Variants in SGCZ observed in about 807,000 individuals in gnomAD.
SGCZ encodes the protein sarcoglycan zeta.
In SGCZ, 40 loss-of-function variants were observed where a neutral mutation model predicts 41.3. The observed-to-expected ratio is 0.97, with a 90% confidence interval of 0.75 to 1.26. The LOEUF is 1.26. Among genes scored for constraint, SGCZ ranks in the 50% most tolerant of loss-of-function variants. The probability of loss-of-function intolerance (pLI) is 0.00; values close to 1 mark genes in which losing one functional copy is unlikely to be tolerated. For missense variants in SGCZ, 552 were observed against 369.8 expected (o/e 1.49, Z -4.04); for synonymous variants, 206 against 137.5 (o/e 1.50, Z -3.49).
intron 2 of SGCZ, among the ~76,000 whole-genome samples, chr8:14,453,207 G>A (rs963197070): frequency 6.6e-6 from 1 of 151,988 alleles, no homozygotes; most frequent in Non-Finnish European, 1.5e-5. Context: ...CTTTAAAGAT[G>A]GTTTGTAAAC....
chr8:15,077,185 A>G (rs1805565482), intron 1 of SGCZ, among the ~76,000 whole-genome samples: 1 of 152,084 alleles, frequency 6.6e-6, no homozygotes, highest in Non-Finnish European at 1.5e-5. Context: ...ACTTGACCAA[A>G]CTCGACTTTA....
At chr8:14,448,236 C>A (rs185258889) in intron 2 of SGCZ, among the ~76,000 whole-genome samples, 1 of 152,262 alleles carries the variant, frequency 6.6e-6, no homozygotes, top group African/African-American at 2.4e-5. Flanking sequence ...CCAAGTACAG[C>A]TTGTACGTGG....
intron 1 of SGCZ, among the ~76,000 whole-genome samples, chr8:14,906,349 T>C (rs1799120556): frequency 6.6e-6 from 1 of 152,132 alleles, no homozygotes; most frequent in Admixed American, 6.6e-5. Flanking sequence ...AGAGATTATG[T>C]TTAAACCAAT....
intron 1 of SGCZ, among the ~76,000 whole-genome samples, chr8:14,798,023 C>T (rs577365217): frequency 1.7e-4 from 26 of 152,292 alleles, no homozygotes; most frequent in African/African-American, 6.3e-4. Flanking sequence ...AGGGGCGGGG[C>T]CCTCATGGAG....
intron 1 of SGCZ, among the ~76,000 whole-genome samples, chr8:14,824,192 G>A (rs112303935): frequency 4.6e-5 from 7 of 152,086 alleles, no homozygotes; most frequent in African/African-American, 1.4e-4. Flanking sequence ...GCACAGTAGG[G>A]TGACTATATT....
At chr8:15,117,765 G>A (rs1424270201) in intron 1 of SGCZ, among the ~76,000 whole-genome samples, 2 of 152,126 alleles carry the variant, frequency 1.3e-5, no homozygotes, top group Non-Finnish European at 2.9e-5. Flanking sequence ...TAACCACTCA[G>A]AAAATAAATA....
At chr8:14,429,310 G>A (rs1191858683) in intron 2 of SGCZ, among the ~76,000 whole-genome samples, 2 of 152,204 alleles carry the variant, frequency 1.3e-5, no homozygotes, top group African/African-American at 2.4e-5. Flanking sequence ...TAGAAGGTGA[G>A]GTTTGGTCAA....
At chr8:14,128,423 T>A (rs1802931914) in intron 5 of SGCZ, among the ~76,000 whole-genome samples, 1 of 152,130 alleles carries the variant, frequency 6.6e-6, no homozygotes, top group Non-Finnish European at 1.5e-5. Context: ...AGGATGCAGA[T>A]AAAAGGGAAC....
chr8:14,698,562 CA>C (rs1481273261), intron 1 of SGCZ, among the ~76,000 whole-genome samples: 1 of 151,776 alleles, frequency 6.6e-6, no homozygotes, highest in Non-Finnish European at 1.5e-5. Flanking sequence ...AATGCTTTTC[CA>C]GAAAAATTGT....
chr8:14,291,080 C>T (rs977221852), intron 3 of SGCZ, among the ~76,000 whole-genome samples: 3 of 151,958 alleles, frequency 2.0e-5, no homozygotes, highest in Non-Finnish European at 4.4e-5. Context: ...ATAAGCCAGG[C>T]ACAGAAAGAT....
At chr8:15,087,161 T>C (rs905221776) in intron 1 of SGCZ, among the ~76,000 whole-genome samples, 4 of 152,088 alleles carry the variant, frequency 2.6e-5, no homozygotes, top group African/African-American at 7.2e-5. Context: ...AGGATGACTA[T>C]AGAGATTAAA....
intron 2 of SGCZ, among the ~76,000 whole-genome samples, chr8:14,365,531 G>A (rs113118763): frequency 0.011 from 1,629 of 152,092 alleles, 27 homozygotes; most frequent in African/African-American, 0.036. Context: ...TTATTATAGT[G>A]TTTGTCTCAG....
chr8:15,230,513 T>G (rs1801908977), intron 1 of SGCZ, among the ~76,000 whole-genome samples: 1 of 152,206 alleles, frequency 6.6e-6, no homozygotes. Flanking sequence ...AAAATCTTGT[T>G]TTGATGTTCA....
chr8:15,057,407 G>C (rs1191805626), intron 1 of SGCZ, among the ~76,000 whole-genome samples: 1 of 152,094 alleles, frequency 6.6e-6, no homozygotes, highest in African/African-American at 2.4e-5. Context: ...ATGAAGAAAA[G>C]AAAAGATTTC....
chr8:14,435,077 A>C (rs756994945), intron 2 of SGCZ, among the ~76,000 whole-genome samples: 1 of 152,212 alleles, frequency 6.6e-6, no homozygotes, highest in Non-Finnish European at 1.5e-5. Flanking sequence ...TTGCCCTCAA[A>C]GTCGATATAC....
At chr8:15,087,951 T>C (rs1044264459) in intron 1 of SGCZ, among the ~76,000 whole-genome samples, 6 of 151,316 alleles carry the variant, frequency 4.0e-5, no homozygotes, top group African/African-American at 1.2e-4. Context: ...GCATGTAAAA[T>C]GCTATTTTTT....
At chr8:14,607,847 A>G (rs1460006382) in intron 1 of SGCZ, among the ~76,000 whole-genome samples, 2 of 152,214 alleles carry the variant, frequency 1.3e-5, no homozygotes, top group Non-Finnish European at 2.9e-5. Flanking sequence ...TCATTAATAT[A>G]TTTGCACAGT....
chr8:14,244,885 C>T lies in SGCZ; in HGVS notation c.337-7206G>A, dbSNP rs546097825. Among the ~76,000 whole-genome samples the T allele has an allele frequency of 1.8e-4, 28 of 152,078 alleles. No homozygotes were observed. The South Asian group carries it at 5.2e-3, about 28-fold the overall frequency. ...GAATGGGAGTTGACTCATGATTTGG[C>T]TCTCTGTTTGTCTGTTATTGGTGTA... On this transcript the variant is annotated intron_variant, in intron 3 of 7. Transcript: ENST00000382080.
At chr8:15,206,978 G>C (rs1054129738) in intron 1 of SGCZ, among the ~76,000 whole-genome samples, 3 of 152,050 alleles carry the variant, frequency 2.0e-5, no homozygotes, top group African/African-American at 7.2e-5. Flanking sequence ...ATAGCTTGCA[G>C]AAAAAAGGAA....
Sources: gnomAD v4.1 joint callset for allele counts (sites outside exome capture counted in the v4.1 genomes callset) on GRCh38, gnomAD v4.1.1 for gene constraint, MANE v1.5 for transcripts, NCBI Gene and HGNC (gene_info 2026-07-23, HGNC 2026-07-21) for gene names.